Variants in APC observed in about 807,000 individuals in gnomAD.
APC encodes the protein APC regulator of Wnt signaling pathway.
A neutral mutation model predicts 247.0 loss-of-function variants in APC; 72 were observed. The observed-to-expected ratio is 0.29, with a 90% CI of 0.24 to 0.35. The LOEUF (loss-of-function observed/expected upper bound fraction) is 0.35. APC is among the 10% of genes least tolerant of loss of function. APC has a pLI of 1.00. For synonymous variants in APC, 1,254 were observed against 1,162.5 expected (o/e 1.08, Z -1.60); for missense variants, 3,400 against 3,360.7 (o/e 1.01, Z -0.29).
intron 8 of APC, 106 bp downstream of exon 8, chr5:112,801,489 T>C (rs1760823209): frequency 1.2e-6 from 1 of 813,850 alleles, no homozygotes; most frequent in South Asian, 1.6e-5. Flanking sequence ...ATTTTCTTAG[T>C]CCTGAATGCA....
At chr5:112,725,360 A>G (rs1312479854) in intron 1 of APC, among the ~76,000 whole-genome samples, 1 of 152,096 alleles carries the variant, frequency 6.6e-6, no homozygotes, top group African/African-American at 2.4e-5. Context: ...AGAGAGTGCC[A>G]CTCGGTTCTG....
At chr5:112,738,501 C>G (rs1752598301) in intron 1 of APC, 2 of 985,324 alleles carry the variant, frequency 2.0e-6, no homozygotes, top group East Asian at 2.3e-4. Flanking sequence ...TGGTGAAATA[C>G]TGGTCACCAG....
rs1554085244 is a variant in APC at position 112,839,298 on chromosome 5, C to G, written c.3704C>G (p.Ser1235Cys). The G allele has an allele frequency of 6.2e-7, 1 of 1,614,160 alleles. No homozygotes were observed. The highest frequency in any genetic ancestry group is 8.5e-7 in the Non-Finnish European group (1 of 1,180,028). ...AGGCAGAATCAGCTCCATCCAAGTTCTGCACAGAGTAGAAGTGGTCAGCCT... is the reference window on the plus strand; with the variant it reads ...AGGCAGAATCAGCTCCATCCAAGTTGTGCACAGAGTAGAAGTGGTCAGCCT... ...AKRQNQLHPSSAQSRSGQPQK... is the reference protein window; with the variant it reads ...AKRQNQLHPSCAQSRSGQPQK... Residue 1235 changes from serine (S) to cysteine (C), a missense_variant, in exon 16 of 16, where the codon TCT (serine) becomes TGT (cysteine). Ser to Cys is a moderately radical substitution (Grantham distance 112, BLOSUM62 -1). Transcript: ENST00000257430. This position sits in a 1 kb window ranked among gnomAD's most constrained non-coding sequence, Gnocchi z 5.0.
intron 2 of APC, among the ~76,000 whole-genome samples, chr5:112,757,434 C>G (rs1053458784): frequency 3.3e-5 from 5 of 151,970 alleles, no homozygotes; most frequent in African/African-American, 1.2e-4. Flanking sequence ...CTCTTTACCC[C>G]CAAAAAAGGC....
At chr5:112,826,759 T>C (rs1763707155) in intron 11 of APC, among the ~76,000 whole-genome samples, 1 of 152,062 alleles carries the variant, frequency 6.6e-6, no homozygotes, top group Non-Finnish European at 1.5e-5. Flanking sequence ...ATAAGTTACC[T>C]TTTTCTGCTT....
At chr5:112,835,374 C>T (rs974001064) in intron 15 of APC, among the ~76,000 whole-genome samples, 2 of 151,864 alleles carry the variant, frequency 1.3e-5, no homozygotes, top group African/African-American at 2.4e-5. Context: ...CTAAATTAAG[C>T]AAATTATAGT....
In APC at chr5:112,845,349, T is replaced by C. The variant is rs1386421043; in HGVS notation, c.*1223T>C. 4 of 232,792 alleles carry C rather than the reference T, an allele frequency of 1.7e-5. No homozygotes were observed. Among genetic ancestry groups the C allele is most frequent in the African/African-American group, 8.8e-5 (4 of 45,314 alleles). The allele number at this position is 232,792 out of a possible 1,614,324, so 14.4% of individuals were successfully genotyped here. A position where few individuals can be genotyped will look rare whatever the true frequency, so the allele number is the denominator to read the frequency against. ...AGCATAATAGGCCCACATAATTTCC[T>C]CTTTCTTAATATTATAGAATTCTGT... On this transcript the variant is annotated 3_prime_UTR_variant, in exon 16 of 16. Transcript: ENST00000257430.
Position 112,821,977 on chromosome 5 carries a change from C to T in APC, c.1394C>T (p.Ala465Val), listed in dbSNP as rs757814834. The T allele has an allele frequency of 6.2e-7, 1 of 1,610,278 alleles. No individual in the cohort carries two copies. The highest frequency in any genetic ancestry group is 1.3e-5 in the African/African-American group (1 of 74,794). ...KLSFDEEHRH[A>V]MNELGGLQAI... ...TCATTTGATGAAGAGCATAGACATG[C>T]AATGAATGAACTAGGTAAGACAAAA... The change falls in exon 11 of 16, where the codon GCA becomes GTA. Residue 465 changes from alanine to valine, a missense_variant. By Grantham distance (64) the Ala-to-Val change is moderately conservative (BLOSUM62 0). Around this residue, in one of 9 missense-constraint regions of APC, gnomAD observed 199 missense variants for 212.5 expected, o/e 0.94. Coordinates refer to ENST00000257430, the MANE Select transcript of APC (RefSeq NM_000038.6).
chr5:112,828,055 G>A (rs1488270526), intron 13 of APC, 49 bp downstream of exon 13: 83 of 1,500,812 alleles, frequency 5.5e-5, no homozygotes, highest in Non-Finnish European at 7.6e-5. Flanking sequence ...TTTTCTTTGA[G>A]GCAGGGTCTC....
Position 112,837,785 on chromosome 5 carries a change from G to A in APC, c.2191G>A (p.Ala731Thr), listed in dbSNP as rs1318557130. The change falls in exon 16 of 16, where the codon GCA becomes ACA. Residue 731 changes from alanine (A) to threonine (T), a missense_variant. By Grantham distance (58) the Ala-to-Thr change is moderately conservative. Around this residue, in one of 9 missense-constraint regions of APC, gnomAD observed 91 missense variants for 103.3 expected, o/e 0.88. Coordinates refer to ENST00000257430, the MANE Select transcript of APC (RefSeq NM_000038.6). ...GSAAALRNLMANRPAKYKDAN... is the reference protein window; with the variant it reads ...GSAAALRNLMTNRPAKYKDAN... Reference sequence around the variant, plus strand: ...TGCTGCAGCTTTAAGGAATCTCATGGCAAATAGGCCTGCGAAGTACAAGGA... The same window carrying A: ...TGCTGCAGCTTTAAGGAATCTCATGACAAATAGGCCTGCGAAGTACAAGGA... 1.9e-6 allele frequency: 3 copies of A among 1,614,042 alleles called. No homozygotes were observed. Among genetic ancestry groups the A allele is most frequent in the Admixed American group, 1.7e-5 (1 of 60,012 alleles).
intron 1 of APC, among the ~76,000 whole-genome samples, chr5:112,716,800 A>G (rs1285115654): frequency 6.6e-6 from 1 of 152,202 alleles, no homozygotes; most frequent in Non-Finnish European, 1.5e-5. Context: ...TTCTGGTAGT[A>G]CTTGCACATT....
At chr5:112,755,818 A>C (rs570224834) in intron 2 of APC, among the ~76,000 whole-genome samples, 3 of 152,184 alleles carry the variant, frequency 2.0e-5, no homozygotes, top group Non-Finnish European at 4.4e-5. Flanking sequence ...ATCAACAAAA[A>C]TATTACTTCC....
At chr5:112,827,528 C>T (rs558775087) in intron 12 of APC, among the ~76,000 whole-genome samples, 2 of 114,310 alleles carry the variant, frequency 1.7e-5, no homozygotes, top group Non-Finnish European at 3.8e-5. Flanking sequence ...TTCTGTGATC[C>T]ATTACTAGAG....
intron 6 of APC, among the ~76,000 whole-genome samples, chr5:112,784,866 G>A (rs1161102508): frequency 1.3e-5 from 2 of 152,102 alleles, no homozygotes; most frequent in African/African-American, 4.8e-5. Flanking sequence ...AATAGCTCAG[G>A]CCTGTAATCC....
chr5:112,777,106 G>A (rs986595729), intron 5 of APC, among the ~76,000 whole-genome samples: 3 of 152,122 alleles, frequency 2.0e-5, no homozygotes, highest in Non-Finnish European at 2.9e-5. Flanking sequence ...AACTTGAAAT[G>A]TATGACTTAA....
Position 112,842,500 on chromosome 5 carries a change from A to G in APC, c.6906A>G (p.Ser2302=), listed in dbSNP as rs1766330352. ...IGGSSKAPSR[S]GSRDSTPSRP... Reference sequence around the variant, plus strand: ...GGTCAAGTAAAGCACCTTCTAGATCAGGATCTAGAGATTCGACCCCTTCAA... The same window carrying G: ...GGTCAAGTAAAGCACCTTCTAGATCGGGATCTAGAGATTCGACCCCTTCAA... Residue 2302 remains serine, a synonymous_variant, in exon 16 of 16, where the codon TCA becomes TCG. Transcript: ENST00000257430. 6.2e-7 allele frequency: 1 copy of G among 1,613,976 alleles called. No individual in the cohort carries two copies. Among genetic ancestry groups the G allele is most frequent in the South Asian group, 1.1e-5 (1 of 91,078 alleles).
chr5:112,711,040 C>T (rs1484149763), intron 1 of APC, among the ~76,000 whole-genome samples: 1 of 152,188 alleles, frequency 6.6e-6, no homozygotes, highest in African/African-American at 2.4e-5. Flanking sequence ...CTCTGTCATC[C>T]TTGGTTTCCT....
intron 4 of APC, among the ~76,000 whole-genome samples, chr5:112,774,510 G>GA (rs1757390545): frequency 7.0e-6 from 1 of 141,926 alleles, no homozygotes; most frequent in African/African-American, 2.5e-5. Flanking sequence ...GCCCAGGCTG[G>GA]AATGCAGTGG....
In APC at chr5:112,839,160, C is replaced by T. The variant is rs1765458794; in HGVS notation, c.3566C>T (p.Ser1189Leu). The change falls in exon 16 of 16, where the codon TCA (serine) becomes TTA (leucine). Residue 1189 changes from serine (S) to leucine (L), a missense_variant. Around this residue, in one of 9 missense-constraint regions of APC, gnomAD observed 715 missense variants for 656.6 expected, o/e 1.09. Transcript: ENST00000257430. The surrounding 1 kb of genome is among the most constrained non-coding windows in gnomAD (Gnocchi z 5.0). ...TTAAAATATGCCACAGATATTCCTT[C>T]ATCACAGAAACAGTCATTTTCATTC... ...YSLKYATDIP[S>L]SQKQSFSFSK... 1 of 1,614,136 alleles carries T rather than the reference C, an allele frequency of 6.2e-7. No individual in the cohort carries two copies. Among genetic ancestry groups the T allele is most frequent in the Non-Finnish European group, 8.5e-7 (1 of 1,180,032 alleles).
Sources: gnomAD v4.1 joint callset for allele counts (sites outside exome capture counted in the v4.1 genomes callset) on GRCh38, gnomAD v4.1.1 for gene constraint, gnomAD v4.1.1 regional missense constraint, Gnocchi (gnomAD v3.1) non-coding constraint, MANE v1.5 for transcripts, NCBI Gene and HGNC (gene_info 2026-07-23, HGNC 2026-07-21) for gene names.